The following AP1B1 variants were observed in gnomAD, a reference collection of about 807,000 sequenced individuals.
AP1B1 encodes AP-1 complex subunit beta-1.
AP1B1 carries 36 observed loss-of-function variants against 104.3 expected under a neutral mutation model. That is an observed-to-expected ratio of 0.35 (90% CI 0.26 to 0.46). AP1B1 has a LOEUF of 0.46. Among genes scored for constraint, AP1B1 ranks in the 20% least tolerant of loss-of-function variants. The pLI, the probability that AP1B1 is intolerant of heterozygous loss-of-function variation, is 1.00. For synonymous variants in AP1B1, 504 were observed against 517.5 expected, an observed-to-expected ratio of 0.97 and a Z score of 0.35; for missense variants, 901 against 1,247.9, an observed-to-expected ratio of 0.72 and a Z score of 4.19.
At chr22:29,362,745 C>T (rs534993874) in intron 3 of AP1B1, among the ~76,000 whole-genome samples, 13 of 152,220 alleles carry the variant, frequency 8.5e-5, no homozygotes, top group Middle Eastern at 3.2e-3. Context: ...GTTCATGCCA[C>T]ACCCACTCCA....
At chr22:29,356,260 G>A (rs2061955963) in intron 6 of AP1B1, among the ~76,000 whole-genome samples, 166 bp downstream of exon 6, 1 of 152,204 alleles carries the variant, frequency 6.6e-6, no homozygotes, top group African/African-American at 2.4e-5. Flanking sequence ...CCTGGCTCTG[G>A]AGAGGTGGGA....
At chr22:29,364,984 C>T (rs1398242033) in intron 2 of AP1B1, among the ~76,000 whole-genome samples, 2 of 152,198 alleles carry the variant, frequency 1.3e-5, no homozygotes, top group Non-Finnish European at 2.9e-5. Context: ...GTTGAGACTA[C>T]AGGCCTGAGC....
At chr22:29,329,596 C>G in intron 22 of AP1B1, 116 bp downstream of exon 22, 2 of 1,553,344 alleles carry the variant, frequency 1.3e-6, no homozygotes, top group South Asian at 2.4e-5. Flanking sequence ...TGAAGCCCCC[C>G]GGGTGAGGTG....
intron 9 of AP1B1, 141 bp from the exon 10 acceptor site, chr22:29,350,291 T>C (rs1339848480): frequency 4.6e-6 from 3 of 646,106 alleles, no homozygotes; most frequent in Non-Finnish European, 8.3e-6. Flanking sequence ...GAGAACCCTC[T>C]CCCCAGGTAA....
At chr22:29,373,372 C>T (rs371216390) in intron 1 of AP1B1, among the ~76,000 whole-genome samples, 23 of 152,216 alleles carry the variant, frequency 1.5e-4, no homozygotes, top group Admixed American at 7.2e-4. Context: ...AATGAAAGCA[C>T]GTTGACAAGA....
intron 22 of AP1B1, chr22:29,329,272 G>A (rs2061521549): frequency 8.7e-7 from 1 of 1,153,838 alleles, no homozygotes; most frequent in African/African-American, 1.6e-5. Flanking sequence ...AAATCCCGAG[G>A]GGGTGCGGAG....
intron 11 of AP1B1, among the ~76,000 whole-genome samples, chr22:29,347,142 A>G (rs1032652362): frequency 4.6e-5 from 7 of 152,204 alleles, no homozygotes; most frequent in Non-Finnish European, 7.3e-5. Flanking sequence ...GAGCCTATCC[A>G]TGGCAGAAGA....
rs1361715934 is a variant in AP1B1, at chr22:29,351,743, T to C, written c.1021A>G (p.Ile341Val). 2 of 1,614,168 alleles carry C rather than the reference T, an allele frequency of 1.2e-6. No homozygotes were observed. The highest frequency in any genetic ancestry group is 1.3e-5 in the African/African-American group (1 of 75,072). ...PIYVKLEKLD[I>V]MIRLASQANI... is the part of the protein sequence containing the mutation. ...GCCTGAGAGGCCAGGCGGATCATGA[T>C]GTCCAGCTTCTCCAGCTTCACGTAG... The change falls in exon 8 of 23, where the codon ATC becomes GTC. Residue 341 changes from isoleucine (I) to valine (V), a missense_variant. Transcript: ENST00000357586.
chr22:29,340,727 C>A lies in AP1B1; in HGVS notation c.1927G>T (p.Gly643Cys). ...ACCGAGGAGGTGGCCAGGGGTGGGC[C>A]GCTCACTGGGGGGCCGAGGTCCAGG... is the stretch of plus-strand genomic sequence containing the variant. ...LNLDLGPPVS[G>C]PPLATSSVQM... is the part of the protein sequence containing the mutation. The change falls in exon 14 of 23, where the codon GGC becomes TGC. Residue 643 changes from glycine to cysteine, a missense_variant. By Grantham distance (159) the Gly-to-Cys change is radical. This residue lies in a region of AP1B1 where 424 missense variants were observed against 494.0 expected (regional missense o/e 0.86). Coordinates refer to ENST00000357586, the MANE Select transcript of AP1B1 (RefSeq NM_001127.4). The A allele has an allele frequency of 1.9e-6, 3 of 1,593,356 alleles. No individual in the cohort carries two copies.
At chr22:29,330,044 A>G (rs886274291) in intron 21 of AP1B1, 1 of 1,406,704 alleles carries the variant, frequency 7.1e-7, no homozygotes, top group South Asian at 1.5e-5. Flanking sequence ...CCAGCTGGAC[A>G]TGCAGGCACT....
At chr22:29,340,232 C>A (rs1017434808) in intron 14 of AP1B1, among the ~76,000 whole-genome samples, 1 of 152,214 alleles carries the variant, frequency 6.6e-6, no homozygotes, top group Non-Finnish European at 1.5e-5. Context: ...CTCAAATAGG[C>A]CTGGATGGGC....
chr22:29,369,352 C>T (rs953224605), intron 1 of AP1B1, among the ~76,000 whole-genome samples: 9 of 152,004 alleles, frequency 5.9e-5, no homozygotes, highest in Non-Finnish European at 7.4e-5. Flanking sequence ...GAAACAAATA[C>T]GTACTGTCTT....
rs1391296597 is a variant in AP1B1 at position 29,345,952 on chromosome 22, A to G, written c.1437+3266T>C. On this transcript the variant is annotated intron_variant, in intron 11 of 22. Coordinates refer to ENST00000357586, the MANE Select transcript of AP1B1 (RefSeq NM_001127.4). ...GCCTGCCTTGGCCTCCCAAAATGCT[A>G]GGATTACAGGTGTAAGCCACTGTGC... Among the ~76,000 whole-genome samples, 3 of 152,306 alleles carry G rather than the reference A, an allele frequency of 2.0e-5. No individual in the cohort carries two copies. The East Asian group carries it at 5.8e-4, about 29-fold the overall frequency.
chr22:29,360,023 C>A, intron 3 of AP1B1, 64 bp from the exon 4 acceptor site: 1 of 1,560,276 alleles, frequency 6.4e-7, no homozygotes, highest in Non-Finnish European at 8.7e-7. Context: ...GATTTTCAGG[C>A]TGCTAACTAG....
chr22:29,356,396 G>A (rs565660154), intron 6 of AP1B1, 30 bp downstream of exon 6: 10 of 1,590,372 alleles, frequency 6.3e-6, no homozygotes, highest in Non-Finnish European at 7.7e-6. Context: ...TCCTCAAGCT[G>A]GGCTGGCAAG....
chr22:29,342,399 G>GT lies in AP1B1; in HGVS notation c.1438-17dup. ...GCAGCTGGACCTGCAGGGAACAGCG[G>GT]TGACGAGGAGGAAGTGTGGGCCTCA... On this transcript the variant is annotated splice_polypyrimidine_tract_variant and intron_variant, in intron 11 of 22. Coordinates refer to ENST00000357586, the MANE Select transcript of AP1B1 (RefSeq NM_001127.4). The GT allele has an allele frequency of 6.2e-7, 1 of 1,607,844 alleles. No homozygotes were observed. The highest frequency in any genetic ancestry group is 2.2e-5 in the East Asian group (1 of 44,842).
chr22:29,376,292 T>C (rs2062339987), intron 1 of AP1B1, among the ~76,000 whole-genome samples: 1 of 152,198 alleles, frequency 6.6e-6, no homozygotes, highest in African/African-American at 2.4e-5. Flanking sequence ...GAGCAGCCCA[T>C]GCTCTTCAAT....
intron 5 of AP1B1, 37 bp from the exon 6 acceptor site, chr22:29,356,653 G>A: frequency 6.3e-7 from 1 of 1,591,892 alleles, no homozygotes; most frequent in Middle Eastern, 1.8e-4. Flanking sequence ...GGCTGGGGGT[G>A]CTGCTCACAG....
In AP1B1 at chr22:29,388,456, T is replaced by G. The variant is rs1174862224; in HGVS notation, c.-60A>C. 3 of 152,236 alleles carry G rather than the reference T, an allele frequency of 2.0e-5. No homozygotes were observed. Among genetic ancestry groups the G allele is most frequent in the African/African-American group, 7.2e-5 (3 of 41,402 alleles). 9.4% of individuals were successfully genotyped at this position (152,236 alleles called of 1,614,324 possible). A position where few individuals can be genotyped will look rare whatever the true frequency, so the allele number is the denominator to read the frequency against. On this transcript the variant is annotated 5_prime_UTR_variant, in exon 1 of 23. Coordinates refer to ENST00000357586, the MANE Select transcript of AP1B1 (RefSeq NM_001127.4). ...TCCCAATAGCTCCCGGCGCCCCGGCTCGGTTCGGCTTGGCACCAAAATGTC... is the reference window on the plus strand; with the variant it reads ...TCCCAATAGCTCCCGGCGCCCCGGCGCGGTTCGGCTTGGCACCAAAATGTC...
Sources: allele counts gnomAD v4.1 joint callset (sites outside exome capture counted in the v4.1 genomes callset), GRCh38; gene constraint gnomAD v4.1.1; regional missense constraint gnomAD v4.1.1; transcripts MANE v1.5; gene names NCBI Gene and HGNC (gene_info 2026-07-23, HGNC 2026-07-21).